Variants in GCSAML observed in about 807,000 individuals in gnomAD.
GCSAML encodes the protein germinal center-associated signaling and motility-like protein.
A neutral mutation model predicts 13.0 loss-of-function variants in GCSAML; 9 were observed. That is an observed-to-expected ratio of 0.69 (90% CI 0.42 to 1.21). The LOEUF is 1.21. GCSAML is among the 50% of genes most tolerant of loss of function. GCSAML has a pLI of 0.00. For missense variants in GCSAML, 143 were observed against 153.4 expected (o/e 0.93, Z 0.36); for synonymous variants, 37 against 52.9 (o/e 0.70, Z 1.31).
intron 4 of GCSAML, among the ~76,000 whole-genome samples, chr1:247,572,798 C>T (rs1668669601): frequency 6.6e-6 from 1 of 152,220 alleles, no homozygotes; most frequent in African/African-American, 2.4e-5. Context: ...TCCGTTGAAG[C>T]TGCACCCACA....
chr1:247,558,652 G>A (rs1572358325), intron 2 of GCSAML, among the ~76,000 whole-genome samples: 1 of 151,782 alleles, frequency 6.6e-6, no homozygotes, highest in African/African-American at 2.4e-5. Context: ...TTTTTAAATT[G>A]TTGCTATTCT....
intron 2 of GCSAML, among the ~76,000 whole-genome samples, chr1:247,541,163 TTCTTGCAAAAGC>T (rs1158938069): frequency 1.4e-5 from 2 of 147,758 alleles, no homozygotes; most frequent in African/African-American, 5.1e-5. Flanking sequence ...TGTGACTATT[TTCTTGCAAAAGC>T]TTTTTCAATT....
At chr1:247,520,838 A>G (rs1666390113) in intron 1 of GCSAML, among the ~76,000 whole-genome samples, 1 of 152,240 alleles carries the variant, frequency 6.6e-6, no homozygotes, top group East Asian at 1.9e-4. Context: ...GAAAAGGGGA[A>G]ACCAACTTAC....
chr1:247,547,991 T>C (rs1452515542), upstream of GCSAML, among the ~76,000 whole-genome samples: 2 of 152,164 alleles, frequency 1.3e-5, no homozygotes, highest in Non-Finnish European at 2.9e-5. Context: ...AAATAAACAA[T>C]ACAAAACTTA....
intron 1 of GCSAML, among the ~76,000 whole-genome samples, chr1:247,553,309 T>G (rs1667843452): frequency 3.3e-5 from 5 of 152,174 alleles, no homozygotes; most frequent in Admixed American, 3.3e-4. Flanking sequence ...TTCTCATTTT[T>G]TTTCATGGTT....
chr1:247,516,150 A>C (rs1666202921), intron 1 of GCSAML, among the ~76,000 whole-genome samples: 1 of 152,210 alleles, frequency 6.6e-6, no homozygotes, highest in Admixed American at 6.5e-5. Context: ...ACCTACAGTA[A>C]GAACACTCAT....
intron 1 of GCSAML, among the ~76,000 whole-genome samples, chr1:247,509,070 T>C (rs10802518): frequency 0.17 from 25,150 of 152,112 alleles, 2,181 homozygotes; most frequent in Admixed American, 0.19. Context: ...GGGAATAGCA[T>C]TGAATTCTTT....
intron 4 of GCSAML, among the ~76,000 whole-genome samples, chr1:247,569,126 A>G (rs12753014): frequency 4.5e-4 from 69 of 152,278 alleles, no homozygotes; most frequent in Non-Finnish European, 9.3e-4. Flanking sequence ...GTGATTTTCT[A>G]AACATACAAT....
chr1:247,566,425 A>T (rs1222445947), intron 4 of GCSAML, among the ~76,000 whole-genome samples: 1 of 152,104 alleles, frequency 6.6e-6, no homozygotes, highest in Non-Finnish European at 1.5e-5. Flanking sequence ...TATTTTTAGT[A>T]GAGACAGGGT....
intron 2 of GCSAML, 94 bp from the exon 3 acceptor site, chr1:247,563,496 C>T (rs1668214914): frequency 1.6e-6 from 1 of 630,522 alleles, no homozygotes; most frequent in Non-Finnish European, 2.7e-6. Flanking sequence ...CTAACAATGG[C>T]CTTAGGTTAA....
chr1:247,515,035 G>A (rs1318164958), intron 1 of GCSAML, among the ~76,000 whole-genome samples: 2 of 152,164 alleles, frequency 1.3e-5, no homozygotes, highest in African/African-American at 4.8e-5. Context: ...CATTGAACTT[G>A]TAGACTGCTT....
At chr1:247,546,524 CATTTTTTGT>C (rs1434454914), upstream of GCSAML, among the ~76,000 whole-genome samples, 4 of 151,716 alleles carry the variant, frequency 2.6e-5, no homozygotes, top group African/African-American at 9.7e-5. Flanking sequence ...ACGCCTGGCT[CATTTTTTGT>C]ATTTTTTTTA....
At chr1:247,555,664 G>T (rs369724218) in intron 1 of GCSAML, among the ~76,000 whole-genome samples, 2 of 152,294 alleles carry the variant, frequency 1.3e-5, no homozygotes, top group East Asian at 3.9e-4. Flanking sequence ...GAAGCAGAAG[G>T]ATAGACCAGT....
chr1:247,570,823 C>G (rs572665008), intron 4 of GCSAML, among the ~76,000 whole-genome samples: 5 of 152,176 alleles, frequency 3.3e-5, no homozygotes, highest in African/African-American at 1.2e-4. Flanking sequence ...AAATCTCCCA[C>G]TATTGTTGTG....
At chr1:247,540,118 C>T (rs1001825807) in intron 2 of GCSAML, among the ~76,000 whole-genome samples, 1 of 152,220 alleles carries the variant, frequency 6.6e-6, no homozygotes, top group Non-Finnish European at 1.5e-5. Context: ...GTTGCCTGGG[C>T]TGAAGTGCAG....
intron 4 of GCSAML, among the ~76,000 whole-genome samples, chr1:247,567,408 A>G (rs1432797888): frequency 2.0e-5 from 3 of 151,886 alleles, no homozygotes; most frequent in African/African-American, 7.3e-5. Flanking sequence ...ACTTCCACTT[A>G]TGAGTGGGAA....
chr1:247,574,537 A>G lies in GCSAML; in HGVS notation c.*155A>G. 1.4e-6 allele frequency: 1 copy of G among 721,968 alleles called. No individual in the cohort carries two copies. The highest frequency in any genetic ancestry group is 3.0e-5 in the Admixed American group (1 of 33,564). The allele number at this position is 721,968 out of a possible 1,614,324, so 44.7% of individuals were successfully genotyped here. A position where few individuals can be genotyped will look rare whatever the true frequency, so the allele number is the denominator to read the frequency against. On this transcript the variant is annotated 3_prime_UTR_variant, in exon 5 of 5. Coordinates refer to ENST00000366488, the MANE Select transcript of GCSAML (RefSeq NM_145278.5). The stretch of plus-strand genomic sequence containing the variant: ...TTATATATCCTTAGGCAACTCTGAT[A>G]TGTGGCATCTCTGTGGCTTAGGTGA...
chr1:247,518,331 CT>C (rs1572285741), intron 1 of GCSAML: 1 of 152,582 alleles, frequency 6.6e-6, no homozygotes, highest in East Asian at 1.9e-4. Context: ...GAACGCCTGG[CT>C]TTCCCCGGCC....
intron 1 of GCSAML, among the ~76,000 whole-genome samples, chr1:247,523,595 T>G (rs1666536045): frequency 6.6e-6 from 1 of 152,156 alleles, no homozygotes; most frequent in Admixed American, 6.5e-5. Context: ...ACATGGTAAA[T>G]TTTCCAGACA....
Sources: gnomAD v4.1 joint callset for allele counts (sites outside exome capture counted in the v4.1 genomes callset) on GRCh38, gnomAD v4.1.1 for gene constraint, MANE v1.5 for transcripts, NCBI Gene and HGNC (gene_info 2026-07-23, HGNC 2026-07-21) for gene names.